NYNRIN: variants seen among roughly 807,000 people sequenced by gnomAD.
NYNRIN encodes NYN domain and retroviral integrase containing.
In NYNRIN, 86 loss-of-function variants were observed where a neutral mutation model predicts 146.6. That is an observed-to-expected ratio of 0.59 (90% CI 0.49 to 0.70). The LOEUF is 0.70. NYNRIN is among the 30% of genes least tolerant of loss of function. The probability of loss-of-function intolerance (pLI) is 0.00; values close to 1 mark genes in which losing one functional copy is unlikely to be tolerated. For synonymous variants in NYNRIN, 1,027 were observed against 1,001.3 expected (o/e 1.03, Z -0.48); for missense variants, 2,191 against 2,377.7 (o/e 0.92, Z 1.63).
At position 24,399,327 on chromosome 14, in the gene NYNRIN, G is replaced by A. The variant is rs1266812246; in HGVS notation, c.81G>A (p.Gln27=). Residue 27 remains glutamine (Q), a synonymous_variant, in exon 2 of 9, where the codon CAG becomes CAA. Coordinates refer to ENST00000382554, the MANE Select transcript of NYNRIN (RefSeq NM_025081.3). ...AATCGAAGCCTCGGGTGCAGCGGCA[G>A]CGGCTGCAAGTGCAGCGCATCTTTA... ...QTKSKPRVQR[Q]RLQVQRIFRV... 2 of 1,613,756 alleles carry A rather than the reference G, an allele frequency of 1.2e-6. No homozygotes were observed. The highest frequency in any genetic ancestry group is 1.7e-6 in the Non-Finnish European group (2 of 1,179,862).
intron 2 of NYNRIN, among the ~76,000 whole-genome samples, chr14:24,404,030 C>T (rs1216460232): frequency 6.6e-6 from 1 of 152,088 alleles, no homozygotes; most frequent in Non-Finnish European, 1.5e-5. Context: ...CCAGTGAGGC[C>T]CCTTTGTGCG....
intron 2 of NYNRIN, among the ~76,000 whole-genome samples, chr14:24,406,797 G>A (rs923820334): frequency 4.6e-5 from 7 of 152,242 alleles, no homozygotes; most frequent in African/African-American, 1.4e-4. Flanking sequence ...CACATGGGGT[G>A]GCTGATTGGA....
rs2042950199 is a variant in NYNRIN, at chr14:24,416,706, C to A, written c.4957C>A (p.Pro1653Thr). The A allele has an allele frequency of 6.2e-7, 1 of 1,613,912 alleles. No homozygotes were observed. Among genetic ancestry groups the A allele is most frequent in the Non-Finnish European group, 8.5e-7 (1 of 1,179,866 alleles). The change falls in exon 9 of 9, where the codon CCC becomes ACC. Residue 1653 changes from proline (P) to threonine (T), a missense_variant. By Grantham distance (38) the Pro-to-Thr change is conservative. Transcript: ENST00000382554. ...TRWVEAFPLK[P>T]YTHTAVAQVL... ...GTGGGTGGAGGCATTCCCCCTGAAG[C>A]CCTACACACACACGGCTGTGGCCCA...
Position 24,414,483 on chromosome 14 carries a change from C to A in NYNRIN, c.2847-113C>A. ...GTGCCTATGCCATGCAAGTTGTTGGCACTTGGCCCAGCCTCAGGACACTTT... is the reference window on the plus strand; with the variant it reads ...GTGCCTATGCCATGCAAGTTGTTGGAACTTGGCCCAGCCTCAGGACACTTT... On this transcript the variant is annotated intron_variant, in intron 8 of 8. Coordinates refer to ENST00000382554, the MANE Select transcript of NYNRIN (RefSeq NM_025081.3). The A allele has an allele frequency of 2.1e-6, 3 of 1,418,614 alleles. 1 individual carries two copies. Among genetic ancestry groups the A allele is most frequent in the Middle Eastern group, 2.5e-4 (1 of 3,942 alleles). The allele number at this position is 1,418,614 out of a possible 1,614,324, so 87.9% of individuals were successfully genotyped here.
At chr14:24,401,043 C>G (rs1474338531) in intron 2 of NYNRIN, among the ~76,000 whole-genome samples, 4 of 152,206 alleles carry the variant, frequency 2.6e-5, no homozygotes, top group African/African-American at 7.2e-5. Context: ...CCCGCCTTGG[C>G]CTCCCAAAGT....
intron 2 of NYNRIN, among the ~76,000 whole-genome samples, chr14:24,404,923 C>T (rs914266018): frequency 1.2e-4 from 18 of 152,184 alleles, no homozygotes; most frequent in Non-Finnish European, 2.4e-4. Context: ...TGATCAACCT[C>T]GACTCCTAAG....
intron 2 of NYNRIN, among the ~76,000 whole-genome samples, chr14:24,400,963 T>C (rs1213153069): frequency 1.3e-5 from 2 of 152,090 alleles, no homozygotes; most frequent in Non-Finnish European, 2.9e-5. Flanking sequence ...CTAATTTTTG[T>C]ATTTTAGTAG....
Position 24,417,803 on chromosome 14 carries a change from A to G in NYNRIN, c.*357A>G. 4.4e-6 allele frequency: 1 copy of G among 229,126 alleles called. No individual in the cohort carries two copies. Among genetic ancestry groups the G allele is most frequent in the Non-Finnish European group, 8.5e-6 (1 of 117,172 alleles). The allele number at this position is 229,126 out of a possible 1,614,324, so 14.2% of individuals were successfully genotyped here. On this transcript the variant is annotated 3_prime_UTR_variant, in exon 9 of 9. Transcript: ENST00000382554. The stretch of plus-strand genomic sequence containing the variant: ...GTGGTGGTGTGCACACACACTCACG[A>G]AAGAATCTATCTTGGCCATGAAACT...
intron 2 of NYNRIN, among the ~76,000 whole-genome samples, chr14:24,402,476 G>A (rs2042850494): frequency 6.6e-6 from 1 of 152,194 alleles, no homozygotes; most frequent in Admixed American, 6.5e-5. Context: ...GGGTTCTGGA[G>A]CTCTGGGACA....
In NYNRIN at chr14:24,410,983, C is replaced by T. The variant is rs539237314; in HGVS notation, c.2415-93C>T. The T allele has an allele frequency of 3.4e-5, 50 of 1,491,008 alleles. No homozygotes were observed. The East Asian group carries it at 7.2e-4, about 22-fold the overall frequency. 92.4% of individuals were successfully genotyped at this position (1,491,008 alleles called of 1,614,324 possible). A position where few individuals can be genotyped will look rare whatever the true frequency, so the allele number is the denominator to read the frequency against. On this transcript the variant is annotated intron_variant, in intron 4 of 8. Coordinates refer to ENST00000382554, the MANE Select transcript of NYNRIN (RefSeq NM_025081.3). The stretch of plus-strand genomic sequence containing the variant: ...GAAGGGGAGAGGGCATCATTGGTGT[C>T]CTTGGTGCTGGCATTGCTTGCTTGC...
At position 24,417,147 on chromosome 14, in the gene NYNRIN, C is replaced by G; in HGVS notation, c.5398C>G (p.Leu1800Val). 6.2e-7 allele frequency: 1 copy of G among 1,614,004 alleles called. No homozygotes were observed. Among genetic ancestry groups the G allele is most frequent in the South Asian group, 1.1e-5 (1 of 91,086 alleles). ...LLQLVGELLE[L>V]HWRVADKASE... Reference sequence around the variant, plus strand: ...ACAGCTGGTGGGGGAGCTGCTGGAGCTCCACTGGAGGGTGGCTGACAAGGC... The same window carrying G: ...ACAGCTGGTGGGGGAGCTGCTGGAGGTCCACTGGAGGGTGGCTGACAAGGC... The change falls in exon 9 of 9, where the codon CTC becomes GTC. Residue 1800 changes from leucine (L) to valine (V), a missense_variant. Physicochemically the swap from Leu to Val is conservative, Grantham distance 32 (BLOSUM62 1). Coordinates refer to ENST00000382554, the MANE Select transcript of NYNRIN (RefSeq NM_025081.3).
chr14:24,399,170 G>C, intron 1 of NYNRIN, 60 bp from the exon 2 acceptor site: 2 of 1,400,330 alleles, frequency 1.4e-6, no homozygotes, highest in Non-Finnish European at 2.0e-6. Flanking sequence ...GCCTGGGGCT[G>C]GGGGCTGGGG....
At position 24,403,678 on chromosome 14, in the gene NYNRIN, G is replaced by A. The variant is rs1050727800; in HGVS notation, c.199-4191G>A. Among the ~76,000 whole-genome samples the A allele has an allele frequency of 4.6e-5, 7 of 152,186 alleles. No individual in the cohort carries two copies. In the East Asian group the frequency reaches 7.7e-4, roughly 17 times the overall value. ...GGCATGTAGTCAAGAATTATTTGTC[G>A]AATGGATGAATAAATTCTGAGATTT... On this transcript the variant is annotated intron_variant, in intron 2 of 8. Transcript: ENST00000382554.
intron 4 of NYNRIN, 89 bp downstream of exon 4, chr14:24,410,297 C>A: frequency 9.2e-7 from 1 of 1,091,444 alleles, no homozygotes; most frequent in Non-Finnish European, 1.3e-6. Context: ...CATCCCTTCC[C>A]AACCTTCCTA....
At position 24,408,148 on chromosome 14, in the gene NYNRIN, A is replaced by G. The variant is rs1185749902; in HGVS notation, c.478A>G (p.Thr160Ala). The change falls in exon 3 of 9, where the codon ACC (threonine) becomes GCC (alanine). Residue 160 changes from threonine (T) to alanine (A), a missense_variant. Transcript: ENST00000382554. ...CCGGGGGATCTGGGAGGCTGAGGTG[A>G]CCCGGGCCTTTGGGGCCCTGGTCTG... The part of the protein sequence containing the change: ...TPRGIWEAEV[T>A]RAFGALVWIR... 3 of 1,605,356 alleles carry G rather than the reference A, an allele frequency of 1.9e-6. No individual in the cohort carries two copies. Among genetic ancestry groups the G allele is most frequent in the Non-Finnish European group, 2.5e-6 (3 of 1,177,780 alleles).
chr14:24,417,473 C>T lies in NYNRIN; in HGVS notation c.*27C>T. ...CGGGAGCAGCGGGGGTGCCCCCTGC[C>T]CCAGGGCCGTGGGTTTCTGCTGCTA... On this transcript the variant is annotated 3_prime_UTR_variant, in exon 9 of 9. Coordinates refer to ENST00000382554, the MANE Select transcript of NYNRIN (RefSeq NM_025081.3). 1.4e-6 allele frequency: 2 copies of T among 1,444,780 alleles called. No individual in the cohort carries two copies. The highest frequency in any genetic ancestry group is 3.0e-5 in the South Asian group (2 of 67,252). 89.5% of individuals were successfully genotyped at this position (1,444,780 alleles called of 1,614,324 possible).
Position 24,417,977 on chromosome 14 carries a change from C to A in NYNRIN, c.*531C>A, listed in dbSNP as rs139159620. 8.4e-4 allele frequency: 216 copies of A among 258,570 alleles called. No individual in the cohort carries two copies. The highest frequency in any genetic ancestry group is 4.4e-3 in the African/African-American group (187 of 42,534). 16.0% of individuals were successfully genotyped at this position (258,570 alleles called of 1,614,324 possible). ...AAGCCTGGGCAGGCTGTGGGGAGGC[C>A]GCTGCCTCCTAGCCTCACGGTCAGC... On this transcript the variant is annotated 3_prime_UTR_variant, in exon 9 of 9. Coordinates refer to ENST00000382554, the MANE Select transcript of NYNRIN (RefSeq NM_025081.3).
chr14:24,415,984 C>T lies in NYNRIN; in HGVS notation c.4235C>T (p.Ser1412Phe). 6.2e-7 allele frequency: 1 copy of T among 1,613,990 alleles called. No individual in the cohort carries two copies. Among genetic ancestry groups the T allele is most frequent in the Non-Finnish European group, 8.5e-7 (1 of 1,179,892 alleles). ...CCACTCCCTCACCCAAGCCTGCTCT[C>T]CTACATTATATCCCTCACCTCTGGC... ...GAPLPHPSLL[S>F]YIISLTSGLS... Residue 1412 changes from serine to phenylalanine, a missense_variant, in exon 9 of 9, where the codon TCC becomes TTC. Around this residue, in one of 3 missense-constraint regions of NYNRIN, gnomAD observed 1,291 missense variants for 1,417.0 expected, o/e 0.91. Transcript: ENST00000382554.
chr14:24,408,407 A>G lies in NYNRIN; in HGVS notation c.737A>G (p.Asp246Gly), dbSNP rs1268008731. The G allele has an allele frequency of 6.2e-7, 1 of 1,613,772 alleles. No homozygotes were observed. The highest frequency in any genetic ancestry group is 8.5e-7 in the Non-Finnish European group (1 of 1,179,854). The part of the protein sequence containing the change: ...SVGESPGPFV[D>G]MGTLQNRGPE... ...GGAGAGAGTCCTGGACCCTTTGTGG[A>G]CATGGGGACCCTCCAGAACAGGGGC... Residue 246 changes from aspartate (D) to glycine (G), a missense_variant, in exon 3 of 9, where the codon GAC becomes GGC. Around this residue, in one of 3 missense-constraint regions of NYNRIN, gnomAD observed 895 missense variants for 941.2 expected, o/e 0.95. Coordinates refer to ENST00000382554, the MANE Select transcript of NYNRIN (RefSeq NM_025081.3).
Sources: allele counts gnomAD v4.1 joint callset (sites outside exome capture counted in the v4.1 genomes callset), GRCh38; gene constraint gnomAD v4.1.1; regional missense constraint gnomAD v4.1.1; transcripts MANE v1.5; gene names NCBI Gene and HGNC (gene_info 2026-07-23, HGNC 2026-07-21).